EBF1: variants seen among roughly 807,000 people sequenced by gnomAD.
The protein encoded by EBF1 is EBF transcription factor 1, also known as transcription factor COE1.
EBF1 carries 10 observed loss-of-function variants against 68.4 expected under a neutral mutation model. The observed-to-expected ratio is 0.15, with a 90% CI of 0.09 to 0.25. The LOEUF (loss-of-function observed/expected upper bound fraction) is 0.25. Ranked by LOEUF, EBF1 falls within the 10% of genes least tolerant of loss-of-function variation. The probability of loss-of-function intolerance (pLI) is 1.00; values close to 1 mark genes in which losing one functional copy is unlikely to be tolerated. For synonymous variants in EBF1, 298 were observed against 299.8 expected (o/e 0.99, Z 0.06); for missense variants, 509 against 794.4 (o/e 0.64, Z 4.32).
chr5:158,781,262 A>T (rs10079275), intron 9 of EBF1, among the ~76,000 whole-genome samples: 18,870 of 152,146 alleles, frequency 0.12, 1,667 homozygotes, highest in African/African-American at 0.24. Context: ...TATTTTCCAG[A>T]TATCTTCTCT....
intron 6 of EBF1, among the ~76,000 whole-genome samples, chr5:158,948,253 G>T (rs1419620197): frequency 1.3e-5 from 2 of 152,146 alleles, no homozygotes; most frequent in Non-Finnish European, 1.5e-5. Context: ...TCTCTGTGAT[G>T]TAGGGGAGGC....
At chr5:158,777,067 G>C (rs1206363845) in intron 10 of EBF1, among the ~76,000 whole-genome samples, 1 of 152,160 alleles carries the variant, frequency 6.6e-6, no homozygotes, top group African/African-American at 2.4e-5. Context: ...GTTCATGAAA[G>C]CACAAACCTA....
chr5:159,085,653 A>G (rs1401733026), intron 4 of EBF1, among the ~76,000 whole-genome samples: 1 of 152,222 alleles, frequency 6.6e-6, no homozygotes, highest in Non-Finnish European at 1.5e-5. Flanking sequence ...TAATACTAAT[A>G]TCACACGGCT....
intron 6 of EBF1, among the ~76,000 whole-genome samples, chr5:159,039,813 G>A (rs779994004): frequency 1.8e-4 from 28 of 152,134 alleles, no homozygotes; most frequent in Non-Finnish European, 4.0e-4. Context: ...AACAAGTAAG[G>A]AATAAAATAT....
intron 11 of EBF1, among the ~76,000 whole-genome samples, chr5:158,729,421 C>T (rs911920176): frequency 1.3e-5 from 2 of 152,176 alleles, no homozygotes; most frequent in Non-Finnish European, 2.9e-5. Flanking sequence ...TGTACCCCTG[C>T]CTTTGTTCTA....
rs202115683 is a variant in EBF1 at position 158,821,146 on chromosome 5, AT to A, written c.778+2029del. Among the ~76,000 whole-genome samples, 32 of 151,778 alleles carry A rather than the reference AT, an allele frequency of 2.1e-4. No individual in the cohort carries two copies. In the South Asian group the frequency reaches 4.2e-3, roughly 20 times the overall value. ...TTACCTGCCCCCACCCAAAGCACAG[AT>A]TTTTTTTTAAACTCTCCTACAGATC... On this transcript the variant is annotated intron_variant, in intron 8 of 15. Coordinates refer to ENST00000313708, the MANE Select transcript of EBF1 (RefSeq NM_024007.5).
intron 9 of EBF1, among the ~76,000 whole-genome samples, chr5:158,783,723 C>A (rs1776863913): frequency 6.6e-6 from 1 of 152,130 alleles, no homozygotes; most frequent in Admixed American, 6.5e-5. Flanking sequence ...CAAAGTAAAG[C>A]CACTGTGGCC....
In EBF1 at chr5:159,056,953, G is replaced by A. The variant is rs139414675; in HGVS notation, c.554+16443C>T. Among the ~76,000 whole-genome samples the A allele has an allele frequency of 7.4e-4, 113 of 152,196 alleles. 1 individual carries two copies. The highest frequency in any genetic ancestry group is 2.5e-3 in the African/African-American group (105 of 41,522). On this transcript the variant is annotated intron_variant, in intron 6 of 15. Coordinates refer to ENST00000313708, the MANE Select transcript of EBF1 (RefSeq NM_024007.5). Reference sequence around the variant, plus strand: ...ACAAAAACAAAAATTGCAATTTGTCGCACGGTGTTATATGACATAGTATGA... The same window carrying A: ...ACAAAAACAAAAATTGCAATTTGTCACACGGTGTTATATGACATAGTATGA...
intron 10 of EBF1, among the ~76,000 whole-genome samples, chr5:158,735,689 A>T (rs1186359428): frequency 6.6e-6 from 1 of 152,190 alleles, no homozygotes; most frequent in East Asian, 1.9e-4. Flanking sequence ...TACTTTTGAA[A>T]AAAAAGTTAA....
intron 6 of EBF1, among the ~76,000 whole-genome samples, chr5:159,007,558 T>C (rs1446206505): frequency 6.6e-6 from 1 of 152,188 alleles, no homozygotes; most frequent in Non-Finnish European, 1.5e-5. Context: ...TGGTTCGCTC[T>C]GGTTGGGAAA....
chr5:159,046,713 G>A (rs529123417), intron 6 of EBF1, among the ~76,000 whole-genome samples: 3 of 152,320 alleles, frequency 2.0e-5, no homozygotes, highest in Non-Finnish European at 4.4e-5. Context: ...CAAAGACATA[G>A]TATGGAGGGG....
intron 6 of EBF1, among the ~76,000 whole-genome samples, chr5:159,042,586 C>CTGTGTG (rs112231991): frequency 0.079 from 11,777 of 148,566 alleles, 472 homozygotes; most frequent in Middle Eastern, 0.12. Flanking sequence ...AATTCTTTGC[C>CTGTGTG]TGTGTGTGTG....
In EBF1 at chr5:158,796,493, T is replaced by A. The variant is rs770564901; in HGVS notation, c.779-18A>T. The stretch of plus-strand genomic sequence containing the variant: ...GGGAGTAGCTGCTTTTCAACACACA[T>A]GAAAAAGAGAAGGAGTCTGCTGTTA... On this transcript the variant is annotated intron_variant, in intron 8 of 15. Coordinates refer to ENST00000313708, the MANE Select transcript of EBF1 (RefSeq NM_024007.5). 6.2e-7 allele frequency: 1 copy of A among 1,604,430 alleles called. No homozygotes were observed. The highest frequency in any genetic ancestry group is 8.5e-7 in the Non-Finnish European group (1 of 1,175,528).
intron 6 of EBF1, among the ~76,000 whole-genome samples, chr5:158,939,552 C>T (rs1412011194): frequency 6.6e-6 from 1 of 152,128 alleles, no homozygotes; most frequent in Admixed American, 6.5e-5. Context: ...AAAAGGGAAG[C>T]TATTTGGTAT....
chr5:158,958,611 G>C (rs1817585104), intron 6 of EBF1, among the ~76,000 whole-genome samples: 1 of 151,966 alleles, frequency 6.6e-6, no homozygotes, highest in African/African-American at 2.4e-5. Context: ...CTAAATTATA[G>C]GCCTGTTGCT....
intron 6 of EBF1, among the ~76,000 whole-genome samples, chr5:158,973,732 C>T (rs1398139247): frequency 6.6e-6 from 1 of 152,176 alleles, no homozygotes; most frequent in East Asian, 1.9e-4. Context: ...ATGAGGCAAA[C>T]ATTTATCTTC....
At chr5:158,773,525 C>A (rs1774330728) in intron 10 of EBF1, among the ~76,000 whole-genome samples, 1 of 152,116 alleles carries the variant, frequency 6.6e-6, no homozygotes, top group Non-Finnish European at 1.5e-5. Flanking sequence ...TTTTCACCAA[C>A]TTTTGGGGGG....
intron 6 of EBF1, among the ~76,000 whole-genome samples, chr5:158,926,538 G>T (rs1025198734): frequency 6.6e-6 from 1 of 151,826 alleles, no homozygotes; most frequent in Admixed American, 6.6e-5. Context: ...AGCCTGGCCA[G>T]TATGGTGAAA....
intron 6 of EBF1, among the ~76,000 whole-genome samples, chr5:158,921,661 C>A (rs1808464096): frequency 6.6e-6 from 1 of 152,182 alleles, no homozygotes; most frequent in Admixed American, 6.5e-5. Flanking sequence ...ATACTGAATT[C>A]ATCATTACCA....
Sources: gnomAD v4.1 joint callset for allele counts (sites outside exome capture counted in the v4.1 genomes callset) on GRCh38, gnomAD v4.1.1 for gene constraint, MANE v1.5 for transcripts, NCBI Gene and HGNC (gene_info 2026-07-23, HGNC 2026-07-21) for gene names.